The following CFAP100 variants were observed in gnomAD, a reference collection of about 807,000 sequenced individuals.
The protein encoded by CFAP100 is cilia and flagella associated protein 100.
A neutral mutation model predicts 81.5 loss-of-function variants in CFAP100; 70 were observed. The observed-to-expected ratio is 0.86, with a 90% CI of 0.71 to 1.05. The LOEUF is 1.05. CFAP100 is among the 50% of genes least tolerant of loss of function. The probability of loss-of-function intolerance (pLI) is 0.00; values close to 1 mark genes in which losing one functional copy is unlikely to be tolerated. For synonymous variants in CFAP100, 341 were observed against 314.8 expected (o/e 1.08, Z -0.88); for missense variants, 811 against 776.5 (o/e 1.04, Z -0.53).
At chr3:126,432,888 T>C (rs1933286856) in intron 13 of CFAP100, 181 bp from the exon 14 acceptor site, 1 of 501,414 alleles carries the variant, frequency 2.0e-6, no homozygotes, top group Non-Finnish European at 3.4e-6. Context: ...ATATTTTACA[T>C]TTTCCCCTAC....
intron 3 of CFAP100, among the ~76,000 whole-genome samples, chr3:126,412,639 A>AT (rs1471991406): frequency 6.6e-6 from 1 of 152,190 alleles, no homozygotes; most frequent in Non-Finnish European, 1.5e-5. Flanking sequence ...CCAACTCTGC[A>AT]TTTTTGGAAT....
At chr3:126,428,221 C>G (rs1300466746) in intron 13 of CFAP100, among the ~76,000 whole-genome samples, 1 of 152,146 alleles carries the variant, frequency 6.6e-6, no homozygotes, top group African/African-American at 2.4e-5. Context: ...CATGGAAGAA[C>G]CTTAAATGCA....
rs1235477352 is a variant in CFAP100 at position 126,420,020 on chromosome 3, A to G, written c.954A>G (p.Lys318=). Residue 318 remains lysine, a splice_region_variant and synonymous_variant, in exon 10 of 17, where the codon AAA becomes AAG. Coordinates refer to ENST00000352312, the MANE Select transcript of CFAP100 (RefSeq NM_182628.3). ...GCAAGGCGAGCTCCATGTGGGCCAAAGGTGAGCTGCCGCCCCCAGCCTGAG... is the reference window on the plus strand; with the variant it reads ...GCAAGGCGAGCTCCATGTGGGCCAAGGGTGAGCTGCCGCCCCCAGCCTGAG... The part of the protein sequence containing the change: ...IKGKASSMWA[K]EGQGTKKPWR... 6.2e-7 allele frequency: 1 copy of G among 1,613,076 alleles called. No individual in the cohort carries two copies. The highest frequency in any genetic ancestry group is 2.2e-5 in the East Asian group (1 of 44,892).
intron 4 of CFAP100, among the ~76,000 whole-genome samples, chr3:126,414,730 T>A (rs1423938494): frequency 1.3e-5 from 2 of 152,204 alleles, no homozygotes. Context: ...CCTGTCCTCT[T>A]GCTTTCCCAG....
chr3:126,397,738 A>C (rs1188022920), intron 2 of CFAP100, among the ~76,000 whole-genome samples: 1 of 152,248 alleles, frequency 6.6e-6, no homozygotes, highest in East Asian at 1.9e-4. Flanking sequence ...CAGGGGCTTC[A>C]GTCAAGAGGA....
chr3:126,403,316 TCC>T (rs1013439072), intron 2 of CFAP100, among the ~76,000 whole-genome samples: 23 of 150,986 alleles, frequency 1.5e-4, no homozygotes, highest in African/African-American at 4.9e-4. Context: ...CCCAAAAGAC[TCC>T]GATGGATAGA....
chr3:126,430,721 A>G (rs1933185261), intron 13 of CFAP100, among the ~76,000 whole-genome samples: 1 of 150,850 alleles, frequency 6.6e-6, no homozygotes, highest in Admixed American at 6.6e-5. Flanking sequence ...AGCTCTCTTG[A>G]AATTTTTGGT....
rs2082885467 is a variant in CFAP100 at position 126,396,161 on chromosome 3, A to T, written c.49+112A>T. On this transcript the variant is annotated intron_variant, in intron 2 of 16. Coordinates refer to ENST00000352312, the MANE Select transcript of CFAP100 (RefSeq NM_182628.3). ...AAACCAAACACTAGGCAGGAGTCAT[A>T]GATCTGCCTACTTCCCTTGAAACAA... is the stretch of plus-strand genomic sequence containing the variant. 3 of 806,720 alleles carry T rather than the reference A, an allele frequency of 3.7e-6. No individual in the cohort carries two copies. The Admixed American group carries it at 5.7e-5, about 15-fold the overall frequency. The allele number at this position is 806,720 out of a possible 1,614,324, so 50.0% of individuals were successfully genotyped here.
intron 2 of CFAP100, among the ~76,000 whole-genome samples, chr3:126,403,631 C>T (rs1038357496): frequency 1.3e-5 from 2 of 152,156 alleles, no homozygotes; most frequent in African/African-American, 4.8e-5. Flanking sequence ...GATCCACCTT[C>T]CTCGGCCTCC....
intron 2 of CFAP100, among the ~76,000 whole-genome samples, chr3:126,398,411 C>T (rs1476672847): frequency 6.6e-6 from 1 of 152,216 alleles, no homozygotes; most frequent in Non-Finnish European, 1.5e-5. Context: ...ACACCAGGCT[C>T]CAGGTACAAG....
chr3:126,409,731 G>A (rs1470408963), intron 3 of CFAP100, among the ~76,000 whole-genome samples: 1 of 152,136 alleles, frequency 6.6e-6, no homozygotes, highest in Non-Finnish European at 1.5e-5. Context: ...ATTCTGTGTT[G>A]GGACGTACCT....
intron 3 of CFAP100, 137 bp from the exon 4 acceptor site, chr3:126,413,948 C>T: frequency 1.4e-6 from 1 of 692,640 alleles, no homozygotes; most frequent in Non-Finnish European, 2.6e-6. Flanking sequence ...ACTTTAGGCA[C>T]AGCTGGATCC....
chr3:126,411,846 C>T (rs1341220851), intron 3 of CFAP100, among the ~76,000 whole-genome samples: 2 of 152,040 alleles, frequency 1.3e-5, no homozygotes, highest in African/African-American at 4.8e-5. Flanking sequence ...TTTATTTTTT[C>T]AAAGGACCAG....
At chr3:126,419,390 G>C (rs1436907513) in intron 8 of CFAP100, among the ~76,000 whole-genome samples, 1 of 152,230 alleles carries the variant, frequency 6.6e-6, no homozygotes, top group Non-Finnish European at 1.5e-5. Flanking sequence ...GGCTTGCCCA[G>C]CTACAGCCTG....
At chr3:126,407,990 C>A (rs2083094270) in intron 3 of CFAP100, among the ~76,000 whole-genome samples, 1 of 152,194 alleles carries the variant, frequency 6.6e-6, no homozygotes, top group Non-Finnish European at 1.5e-5. Context: ...CAGATGTGAG[C>A]ATTTCTCCCA....
intron 4 of CFAP100, 153 bp downstream of exon 4, chr3:126,414,332 C>A: frequency 1.4e-6 from 1 of 737,858 alleles, no homozygotes; most frequent in Non-Finnish European, 2.5e-6. Flanking sequence ...ATAAAATCAG[C>A]TGGAAACCTT....
intron 2 of CFAP100, among the ~76,000 whole-genome samples, chr3:126,400,528 C>T (rs1318739222): frequency 5.9e-5 from 9 of 151,988 alleles, no homozygotes; most frequent in Admixed American, 3.9e-4. Context: ...CCAAGGCGGG[C>T]GGATCACGAG....
chr3:126,426,781 T>C (rs1932966484), intron 13 of CFAP100, among the ~76,000 whole-genome samples: 1 of 152,080 alleles, frequency 6.6e-6, no homozygotes, highest in Non-Finnish European at 1.5e-5. Flanking sequence ...ATTAAAAAGC[T>C]CTTGGAACTA....
chr3:126,413,990 C>A, intron 3 of CFAP100, 95 bp from the exon 4 acceptor site: 3 of 821,752 alleles, frequency 3.7e-6, no homozygotes, highest in Non-Finnish European at 6.4e-6. Flanking sequence ...TCATGCTTTT[C>A]CATGCTGGGC....
Sources: allele counts gnomAD v4.1 joint callset (sites outside exome capture counted in the v4.1 genomes callset), GRCh38; gene constraint gnomAD v4.1.1; transcripts MANE v1.5; gene names NCBI Gene and HGNC (gene_info 2026-07-23, HGNC 2026-07-21).